Variants in PYGB observed in about 807,000 individuals in gnomAD.
The protein encoded by PYGB is glycogen phosphorylase, brain form.
Under a neutral mutation model 94.3 loss-of-function variants are expected in PYGB, and 82 were observed. That is an observed-to-expected ratio of 0.87 (90% CI 0.73 to 1.04). PYGB has a LOEUF of 1.04. PYGB is among the 50% of genes least tolerant of loss of function. The pLI, the probability that PYGB is intolerant of heterozygous loss-of-function variation, is 0.00. For synonymous variants in PYGB, 488 were observed against 479.1 expected, an observed-to-expected ratio of 1.02 and a Z score of -0.24; for missense variants, 1,132 against 1,158.2, an observed-to-expected ratio of 0.98 and a Z score of 0.33.
At chr20:25,269,941 T>C (rs8184820) in intron 3 of PYGB, among the ~76,000 whole-genome samples, 63,869 of 151,850 alleles carry the variant, frequency 0.42, 15,011 homozygotes, top group East Asian at 0.92. Context: ...TGGCCAGATA[T>C]GAGTAGAGCC....
chr20:25,274,885 T>A (rs2088297346), intron 5 of PYGB, among the ~76,000 whole-genome samples, 162 bp downstream of exon 5: 1 of 152,204 alleles, frequency 6.6e-6, no homozygotes, highest in Non-Finnish European at 1.5e-5. Flanking sequence ...CACTCCCCAG[T>A]CTCTTACACT....
intron 10 of PYGB, 70 bp downstream of exon 10, chr20:25,280,482 G>A: frequency 6.4e-7 from 1 of 1,550,776 alleles, no homozygotes; most frequent in South Asian, 1.2e-5. Flanking sequence ...CACCTGGCCT[G>A]GGAGAGGAGG....
At chr20:25,259,202 A>G in intron 1 of PYGB, 35 bp from the exon 2 acceptor site, 1 of 1,515,708 alleles carries the variant, frequency 6.6e-7, no homozygotes, top group Non-Finnish European at 9.2e-7. Flanking sequence ...TGTAGAATGG[A>G]ATGAGAAATC....
At chr20:25,272,743 C>T (rs1175251165) in intron 4 of PYGB, among the ~76,000 whole-genome samples, 2 of 152,212 alleles carry the variant, frequency 1.3e-5, no homozygotes, top group African/African-American at 4.8e-5. Flanking sequence ...CAGCTCTGCC[C>T]CAGCCCTCCG....
intron 4 of PYGB, among the ~76,000 whole-genome samples, chr20:25,272,913 G>T (rs990823575): frequency 1.3e-5 from 2 of 152,222 alleles, no homozygotes; most frequent in Non-Finnish European, 2.9e-5. Flanking sequence ...GAAGGTATTG[G>T]TGGTGGTTTT....
Position 25,296,457 on chromosome 20 carries a change from C to T in PYGB, c.2467C>T (p.Arg823Trp), listed in dbSNP as rs199554595. ...TGACCGGACCATCACGGAGTATGCA[C>T]GGGAGATCTGGGGTGTGGAGCCCTC... ...SSDRTITEYA[R>W]EIWGVEPSDL... Residue 823 changes from arginine (R) to tryptophan (W), a missense_variant, in exon 20 of 20, where the codon CGG becomes TGG. Transcript: ENST00000216962. 77 of 1,613,988 alleles carry T rather than the reference C, an allele frequency of 4.8e-5. No homozygotes were observed. The highest frequency in any genetic ancestry group is 3.2e-4 in the Admixed American group (19 of 60,028).
intron 11 of PYGB, 81 bp from the exon 12 acceptor site, chr20:25,281,933 TGAGGGCTCCTGGGACCTCC>T: frequency 9.9e-7 from 1 of 1,011,200 alleles, no homozygotes; most frequent in South Asian, 1.3e-5. Flanking sequence ...CCACTGAGCT[TGAGGGCTCCTGGGACCTCC>T]TTAAAAGGAC....
At position 25,296,353 on chromosome 20, in the gene PYGB, C is replaced by T. The variant is rs1286155161; in HGVS notation, c.2380-17C>T. On this transcript the variant is annotated splice_polypyrimidine_tract_variant and intron_variant, in intron 19 of 19. Coordinates refer to ENST00000216962, the MANE Select transcript of PYGB (RefSeq NM_002862.4). ...GCCCTGTGACGCCAGAGACTAATTTCATCTCCTTCCCTGCAGAACCCCAAG... is the reference window on the plus strand; with the variant it reads ...GCCCTGTGACGCCAGAGACTAATTTTATCTCCTTCCCTGCAGAACCCCAAG... 1.9e-6 allele frequency: 3 copies of T among 1,613,784 alleles called. No homozygotes were observed. Among genetic ancestry groups the T allele is most frequent in the Middle Eastern group, 3.3e-4 (2 of 6,082 alleles).
intron 2 of PYGB, among the ~76,000 whole-genome samples, chr20:25,268,342 AC>A (rs1324858060): frequency 6.6e-6 from 1 of 151,760 alleles, no homozygotes; most frequent in Non-Finnish European, 1.5e-5. Flanking sequence ...GTTATTTAAA[AC>A]ACTACCACTC....
At chr20:25,295,509 A>T in intron 18 of PYGB, 95 bp from the exon 19 acceptor site, 1 of 1,398,206 alleles carries the variant, frequency 7.2e-7, no homozygotes, top group South Asian at 1.2e-5. Flanking sequence ...GACCAGGTGG[A>T]TGGTGCCTGG....
At chr20:25,275,571 C>T (rs1315120608) in intron 5 of PYGB, among the ~76,000 whole-genome samples, 3 of 152,316 alleles carry the variant, frequency 2.0e-5, no homozygotes, top group African/African-American at 4.8e-5. Flanking sequence ...ACATGGGCTT[C>T]GAGTGGCTGG....
chr20:25,292,877 C>A (rs535030426), intron 17 of PYGB, among the ~76,000 whole-genome samples: 132 of 152,080 alleles, frequency 8.7e-4, no homozygotes, highest in African/African-American at 3.0e-3. Context: ...GGAGTCCAGA[C>A]CAGGGGCTCC....
intron 6 of PYGB, 78 bp downstream of exon 6, chr20:25,276,835 G>A (rs906965836): frequency 5.2e-5 from 70 of 1,338,478 alleles, no homozygotes; most frequent in African/African-American, 1.7e-4. Flanking sequence ...AGCCTTTACC[G>A]CGCCCTGTGG....
At chr20:25,294,963 T>C in intron 18 of PYGB, 1 of 1,614,154 alleles carries the variant, frequency 6.2e-7, no homozygotes, top group South Asian at 1.1e-5. Flanking sequence ...GTGTCACCTG[T>C]TGGCTTCAGT....
At chr20:25,291,016 CCTGCCCCTCAGCCGTGTCTT>C (rs1234761108) in intron 16 of PYGB, among the ~76,000 whole-genome samples, 4 of 151,580 alleles carry the variant, frequency 2.6e-5, no homozygotes, top group Non-Finnish European at 5.9e-5. Context: ...GCCCTCTCCT[CCTGCCCCTCAGCCGTGTCTT>C]CTGCCCTGGG....
intron 19 of PYGB, among the ~76,000 whole-genome samples, chr20:25,296,101 G>A (rs569811547): frequency 2.0e-5 from 3 of 152,232 alleles, no homozygotes; most frequent in East Asian, 1.9e-4. Flanking sequence ...TATCCCTATC[G>A]TCGTCCTGGG....
intron 11 of PYGB, 43 bp downstream of exon 11, chr20:25,281,155 A>G: frequency 6.2e-7 from 1 of 1,607,224 alleles, no homozygotes; most frequent in Non-Finnish European, 8.5e-7. Flanking sequence ...TCTGTCTGAC[A>G]CCCAGGCCTG....
chr20:25,276,925 C>T (rs1172759128), intron 6 of PYGB, among the ~76,000 whole-genome samples, 168 bp downstream of exon 6: 1 of 152,072 alleles, frequency 6.6e-6, no homozygotes, highest in East Asian at 1.9e-4. Flanking sequence ...TGCAGCTTAC[C>T]TGTGTGTGGG....
chr20:25,265,400 G>A (rs1291453665), intron 2 of PYGB, among the ~76,000 whole-genome samples: 2 of 152,054 alleles, frequency 1.3e-5, no homozygotes, highest in Non-Finnish European at 2.9e-5. Context: ...CTTCTTCTCT[G>A]TTTTTTGACA....
Sources: gnomAD v4.1 joint callset for allele counts (sites outside exome capture counted in the v4.1 genomes callset) on GRCh38, gnomAD v4.1.1 for gene constraint, MANE v1.5 for transcripts, NCBI Gene and HGNC (gene_info 2026-07-23, HGNC 2026-07-21) for gene names.